The following SSH2 variants were observed in gnomAD, a reference collection of about 807,000 sequenced individuals.
The protein encoded by SSH2 is protein phosphatase Slingshot homolog 2.
A neutral mutation model predicts 135.2 loss-of-function variants in SSH2; 37 were observed. That is an observed-to-expected ratio of 0.27 (90% CI 0.21 to 0.36). The LOEUF (loss-of-function observed/expected upper bound fraction) is 0.36. Ranked by LOEUF, SSH2 falls within the 10% of genes least tolerant of loss-of-function variation. The pLI, the probability that SSH2 is intolerant of heterozygous loss-of-function variation, is 1.00. For missense variants in SSH2, 1,408 were observed against 1,765.3 expected, an observed-to-expected ratio of 0.80 and a Z score of 3.63; for synonymous variants, 628 against 646.2, an observed-to-expected ratio of 0.97 and a Z score of 0.43.
intron 1 of SSH2, among the ~76,000 whole-genome samples, chr17:29,870,104 G>C (rs947858695): frequency 1.3e-5 from 2 of 151,648 alleles, no homozygotes; most frequent in East Asian, 1.9e-4. Flanking sequence ...TTATAATTAT[G>C]TTAAATGACA....
In SSH2 at chr17:29,630,947, A is replaced by G. The variant is rs1321702670; in HGVS notation, c.4247T>C (p.Leu1416Pro). 22 of 1,609,920 alleles carry G rather than the reference A, an allele frequency of 1.4e-5. No homozygotes were observed. The highest frequency in any genetic ancestry group is 3.3e-5 in the Admixed American group (2 of 59,938). The change falls in exon 16 of 16, where the codon CTG becomes CCG. Residue 1416 changes from leucine to proline, a missense_variant. Transcript: ENST00000540801. ...GLQCACPAPG[L>P]AVAPRQQHGR... The stretch of plus-strand genomic sequence containing the variant: ...GTGTTGCTGACGGGGTGCCACGGCC[A>G]GCCCTGGAGCTGGGCATGCACACTG...
intron 3 of SSH2, among the ~76,000 whole-genome samples, chr17:29,735,696 CAAAAAA>C (rs1246276444): frequency 2.1e-5 from 1 of 48,658 alleles, no homozygotes; most frequent in African/African-American, 7.8e-5. Flanking sequence ...GATTCTGTCT[CAAAAAA>C]AAAAAAAAAA....
intron 5 of SSH2, among the ~76,000 whole-genome samples, chr17:29,695,080 C>T (rs1319189854): frequency 6.6e-6 from 1 of 152,112 alleles, no homozygotes; most frequent in Non-Finnish European, 1.5e-5. Flanking sequence ...CCATTTCACT[C>T]CCTCCTTGTC....
At chr17:29,724,411 C>A (rs1270861026) in intron 3 of SSH2, among the ~76,000 whole-genome samples, 1 of 151,492 alleles carries the variant, frequency 6.6e-6, no homozygotes, top group Non-Finnish European at 1.5e-5. Context: ...GCCTGTAATC[C>A]CAGCTACCTG....
At chr17:29,689,763 A>C (rs1366896748) in intron 5 of SSH2, among the ~76,000 whole-genome samples, 1 of 152,080 alleles carries the variant, frequency 6.6e-6, no homozygotes, top group African/African-American at 2.4e-5. Flanking sequence ...TCGGCATCCA[A>C]TTTAAATGTT....
rs2039497007 is a variant in SSH2 at position 29,713,067 on chromosome 17, G to T, written c.189-10005C>A. ...ACTGCCAGTTGAGGCTGGGCATGGT[G>T]GCTCACGCCTGTAATTCCAGCACTT... is the stretch of plus-strand genomic sequence containing the variant. On this transcript the variant is annotated intron_variant, in intron 3 of 15. Coordinates refer to ENST00000540801, the MANE Select transcript of SSH2 (RefSeq NM_001282129.2). Among the ~76,000 whole-genome samples, 5 of 152,226 alleles carry T rather than the reference G, an allele frequency of 3.3e-5. No individual in the cohort carries two copies. The South Asian group carries it at 1.0e-3, about 32-fold the overall frequency.
At chr17:29,799,400 A>AG (rs2042212491) in intron 2 of SSH2, among the ~76,000 whole-genome samples, 1 of 152,242 alleles carries the variant, frequency 6.6e-6, no homozygotes, top group Non-Finnish European at 1.5e-5. Context: ...CTCACCAGAA[A>AG]GAGTAAGAGT....
At chr17:29,714,835 G>C (rs1034388847) in intron 3 of SSH2, among the ~76,000 whole-genome samples, 1 of 152,072 alleles carries the variant, frequency 6.6e-6, no homozygotes. Flanking sequence ...GAGACTCCTA[G>C]ACCCCTGATT....
intron 8 of SSH2, chr17:29,676,507 CACTA>C (rs1232933730): frequency 4.0e-6 from 1 of 249,764 alleles, no homozygotes; most frequent in Non-Finnish European, 7.8e-6. Flanking sequence ...GCTCTTAGTC[CACTA>C]ACTAACTTAG....
At chr17:29,893,101 G>A (rs1000911804) in intron 1 of SSH2, among the ~76,000 whole-genome samples, 7 of 152,026 alleles carry the variant, frequency 4.6e-5, no homozygotes, top group African/African-American at 1.7e-4. Flanking sequence ...AAAGTCACTA[G>A]TATCCTAACT....
At chr17:29,749,135 G>A (rs73987156) in intron 3 of SSH2, among the ~76,000 whole-genome samples, 1 of 152,274 alleles carries the variant, frequency 6.6e-6, no homozygotes, top group African/African-American at 2.4e-5. Context: ...TAAATGATCT[G>A]TGCCAGAACC....
intron 2 of SSH2, among the ~76,000 whole-genome samples, chr17:29,824,405 G>C (rs1269587605): frequency 6.6e-6 from 1 of 152,120 alleles, no homozygotes; most frequent in Non-Finnish European, 1.5e-5. Flanking sequence ...AACAGGCCCT[G>C]AGAAAAACAG....
chr17:29,821,202 G>A (rs562766249), intron 2 of SSH2, among the ~76,000 whole-genome samples: 9 of 152,022 alleles, frequency 5.9e-5, no homozygotes, highest in South Asian at 2.1e-4. Context: ...CTTTCTTCTC[G>A]CCTTTATCTT....
intron 3 of SSH2, among the ~76,000 whole-genome samples, chr17:29,718,898 G>A (rs1567912283): frequency 3.3e-5 from 5 of 152,220 alleles, no homozygotes; most frequent in South Asian, 4.1e-4. Context: ...TCCTTATGAC[G>A]TGGCAGCTGA....
chr17:29,763,154 A>C (rs1264785027), intron 3 of SSH2, among the ~76,000 whole-genome samples: 1 of 152,176 alleles, frequency 6.6e-6, no homozygotes, highest in Admixed American at 6.5e-5. Context: ...TCTTCTATAA[A>C]ACTTAAGCCT....
chr17:29,731,908 T>C (rs984174683), intron 3 of SSH2, among the ~76,000 whole-genome samples: 1 of 152,078 alleles, frequency 6.6e-6, no homozygotes, highest in African/African-American at 2.4e-5. Flanking sequence ...GCAGATAGAA[T>C]CCTGTCCCTC....
At chr17:29,731,785 G>A (rs1227224109) in intron 3 of SSH2, among the ~76,000 whole-genome samples, 1 of 152,106 alleles carries the variant, frequency 6.6e-6, no homozygotes, top group Admixed American at 6.6e-5. Context: ...AATGGGCTGG[G>A]CTTCTCTGCA....
chr17:29,690,175 G>A (rs375229814), intron 5 of SSH2, among the ~76,000 whole-genome samples: 79 of 152,158 alleles, frequency 5.2e-4, no homozygotes, highest in Non-Finnish European at 8.8e-4. Context: ...AAGCCAAGGC[G>A]GGCAGATCAC....
intron 2 of SSH2, among the ~76,000 whole-genome samples, chr17:29,838,744 A>G (rs2042988503): frequency 6.6e-6 from 1 of 152,004 alleles, no homozygotes; most frequent in African/African-American, 2.4e-5. Flanking sequence ...GAGAGGAGCT[A>G]CCCACTGTGG....
Sources: gnomAD v4.1 joint callset for allele counts (sites outside exome capture counted in the v4.1 genomes callset) on GRCh38, gnomAD v4.1.1 for gene constraint, MANE v1.5 for transcripts, NCBI Gene and HGNC (gene_info 2026-07-23, HGNC 2026-07-21) for gene names.